The following SGCZ variants were observed in gnomAD, a reference collection of about 807,000 sequenced individuals.
The protein encoded by SGCZ is zeta-sarcoglycan.
SGCZ carries 40 observed loss-of-function variants against 41.3 expected under a neutral mutation model. That is an observed-to-expected ratio of 0.97 (90% CI 0.75 to 1.26). The LOEUF (loss-of-function observed/expected upper bound fraction) is 1.26, where lower values mean the gene tolerates loss of function less well. Ranked by LOEUF, SGCZ falls within the 50% of genes most tolerant of loss-of-function variation. The probability of loss-of-function intolerance (pLI) is 0.00; values close to 1 mark genes in which losing one functional copy is unlikely to be tolerated. For synonymous variants in SGCZ, 206 were observed against 137.5 expected (o/e 1.50, Z -3.49); for missense variants, 552 against 369.8 (o/e 1.49, Z -4.04).
At chr8:14,268,746 C>G (rs1030719731) in intron 3 of SGCZ, among the ~76,000 whole-genome samples, 24 of 151,672 alleles carry the variant, frequency 1.6e-4, no homozygotes, top group African/African-American at 5.8e-4. Context: ...ATTATATGTA[C>G]ATTTGCATTC....
intron 1 of SGCZ, among the ~76,000 whole-genome samples, chr8:14,918,360 C>A (rs1288583590): frequency 6.6e-6 from 1 of 151,834 alleles, no homozygotes. Flanking sequence ...CATGAAGAAG[C>A]ACATGGATTA....
At chr8:14,107,421 G>C (rs1802239906) in intron 6 of SGCZ, among the ~76,000 whole-genome samples, 1 of 151,998 alleles carries the variant, frequency 6.6e-6, no homozygotes. Context: ...TCAGGACATA[G>C]CTTATTCCAT....
At chr8:14,827,236 C>CT (rs36071307) in intron 1 of SGCZ, among the ~76,000 whole-genome samples, 13,114 of 122,300 alleles carry the variant, frequency 0.11, 955 homozygotes, top group Non-Finnish European at 0.15. Flanking sequence ...CTTTTCTTTT[C>CT]TTTTTTTTTT....
intron 1 of SGCZ, among the ~76,000 whole-genome samples, chr8:14,811,198 G>T (rs1279865527): frequency 6.6e-6 from 1 of 151,914 alleles, no homozygotes; most frequent in Non-Finnish European, 1.5e-5. Flanking sequence ...CAAATTTGTT[G>T]TGTTCATTAA....
chr8:14,858,543 A>G (rs1238416234), intron 1 of SGCZ, among the ~76,000 whole-genome samples: 1 of 152,166 alleles, frequency 6.6e-6, no homozygotes, highest in Non-Finnish European at 1.5e-5. Flanking sequence ...TAGCCTTTTT[A>G]GCTAATTTTG....
At chr8:15,080,380 G>C (rs115257144) in intron 1 of SGCZ, among the ~76,000 whole-genome samples, 232 of 152,188 alleles carry the variant, frequency 1.5e-3, no homozygotes, top group African/African-American at 5.2e-3. Flanking sequence ...GTCCACGGAA[G>C]TTCCTACCAC....
chr8:15,140,005 G>A (rs913760322), intron 1 of SGCZ, among the ~76,000 whole-genome samples: 6 of 151,830 alleles, frequency 4.0e-5, no homozygotes, highest in Non-Finnish European at 7.4e-5. Flanking sequence ...TTGGGGGGAC[G>A]GACACTGGTT....
chr8:14,591,516 G>A (rs1019997570), intron 1 of SGCZ, among the ~76,000 whole-genome samples: 44 of 152,000 alleles, frequency 2.9e-4, no homozygotes, highest in Admixed American at 5.2e-4. Flanking sequence ...TTTTATCCTC[G>A]AAATATAAAA....
chr8:15,230,906 T>A (rs1245439941), intron 1 of SGCZ, among the ~76,000 whole-genome samples: 1 of 152,168 alleles, frequency 6.6e-6, no homozygotes, highest in Non-Finnish European at 1.5e-5. Flanking sequence ...TGCTTGAGAA[T>A]CCCTTGGCCA....
intron 1 of SGCZ, among the ~76,000 whole-genome samples, chr8:14,770,049 T>C (rs990343127): frequency 2.0e-5 from 3 of 151,174 alleles, no homozygotes; most frequent in African/African-American, 4.9e-5. Context: ...CACCAATTTG[T>C]TTTTTCATTT....
intron 1 of SGCZ, among the ~76,000 whole-genome samples, chr8:14,924,507 G>A (rs556952706): frequency 6.6e-6 from 1 of 151,114 alleles, no homozygotes; most frequent in South Asian, 2.1e-4. Flanking sequence ...TTTAATAAAG[G>A]TGAATAACTT....
rs542260452 is a variant in SGCZ at position 15,138,973 on chromosome 8, T to G, written c.39+98612A>C. 1.4e-3 allele frequency among the ~76,000 whole-genome samples: 209 copies of G among 152,250 alleles called. 1 individual carries two copies. The highest frequency in any genetic ancestry group is 2.6e-3 in the Non-Finnish European group (176 of 67,998). On this transcript the variant is annotated intron_variant, in intron 1 of 7. Coordinates refer to ENST00000382080, the MANE Select transcript of SGCZ (RefSeq NM_139167.4). ...AATAATTTTGTATCAGCTCTACAGA[T>G]CCATCTATTTTTAAATAGATGGACA...
intron 1 of SGCZ, among the ~76,000 whole-genome samples, chr8:14,622,388 C>T (rs1015138090): frequency 6.6e-6 from 1 of 152,056 alleles, no homozygotes; most frequent in African/African-American, 2.4e-5. Flanking sequence ...TGTAATCTGG[C>T]CCAGAGTTTG....
chr8:14,536,959 A>G (rs189156517), intron 2 of SGCZ, among the ~76,000 whole-genome samples: 1 of 152,104 alleles, frequency 6.6e-6, no homozygotes, highest in East Asian at 1.9e-4. Flanking sequence ...AGATTCTATA[A>G]AAAGGAAATT....
At chr8:14,598,767 C>A (rs978285328) in intron 1 of SGCZ, among the ~76,000 whole-genome samples, 2 of 151,976 alleles carry the variant, frequency 1.3e-5, no homozygotes, top group African/African-American at 4.8e-5. Context: ...TGGGCTTAAG[C>A]AATCGCCTGA....
intron 2 of SGCZ, among the ~76,000 whole-genome samples, chr8:14,519,779 G>A (rs966509205): frequency 5.3e-5 from 8 of 152,034 alleles, no homozygotes; most frequent in Non-Finnish European, 1.2e-4. Context: ...AAGTAATCAT[G>A]AGAAAAATGT....
chr8:15,237,460 A>T, intron 1 of SGCZ, 125 bp downstream of exon 1: 1 of 1,172,872 alleles, frequency 8.5e-7, no homozygotes, highest in Admixed American at 2.0e-5. Flanking sequence ...GCGTCCCCCC[A>T]ACGCCCCCTC....
chr8:15,008,541 A>AAGGAAGGAAGGGAGGGAGGGAGAG (rs1156576852), intron 1 of SGCZ, among the ~76,000 whole-genome samples: 1 of 59,778 alleles, frequency 1.7e-5, no homozygotes, highest in Non-Finnish European at 2.9e-5. Context: ...GGAAGGAAGG[A>AAGGAAGGAAGGGAGGGAGGGAGAG]AGGGAGGGAG....
chr8:14,223,938 T>G (rs1806288466), intron 4 of SGCZ, among the ~76,000 whole-genome samples: 1 of 152,192 alleles, frequency 6.6e-6, no homozygotes, highest in Non-Finnish European at 1.5e-5. Context: ...ATCTCAATCA[T>G]CAACATAACT....
Sources: gnomAD v4.1 joint callset for allele counts (sites outside exome capture counted in the v4.1 genomes callset) on GRCh38, gnomAD v4.1.1 for gene constraint, MANE v1.5 for transcripts, NCBI Gene and HGNC (gene_info 2026-07-23, HGNC 2026-07-21) for gene names.